The following CACNA1C variants were observed in gnomAD, a reference collection of about 807,000 sequenced individuals.
CACNA1C encodes calcium voltage-gated channel subunit alpha1 C, also known as voltage-dependent L-type calcium channel subunit alpha-1C.
Under a neutral mutation model 229.0 loss-of-function variants are expected in CACNA1C, and 30 were observed. The observed-to-expected ratio is 0.13, with a 90% CI of 0.10 to 0.18. The LOEUF (loss-of-function observed/expected upper bound fraction) is 0.18, where lower values mean the gene tolerates loss of function less well. Ranked by LOEUF, CACNA1C falls within the 10% of genes least tolerant of loss-of-function variation. The pLI is 1.00. For synonymous variants in CACNA1C, 1,114 were observed against 1,132.5 expected (o/e 0.98, Z 0.33); for missense variants, 1,658 against 2,845.0 (o/e 0.58, Z 9.49).
In CACNA1C at chr12:2,260,174, T is replaced by TG. The variant is rs1277140750; in HGVS notation, c.477+139748dup. Among the ~76,000 whole-genome samples, 6 of 151,858 alleles carry TG rather than the reference T, an allele frequency of 4.0e-5. 1 individual carries two copies. Among genetic ancestry groups the TG allele is most frequent in the Admixed American group, 2.0e-4 (3 of 15,256 alleles). ...TTGGCCTGACTTGGCTGACACAATCTGGGGAAAAAAGAGAAGTATGGGCTG... is the reference window on the plus strand; with the variant it reads ...TTGGCCTGACTTGGCTGACACAATCTGGGGGAAAAAAGAGAAGTATGGGCTG... On this transcript the variant is annotated intron_variant, in intron 3 of 46. Transcript: ENST00000399655.
intron 1 of CACNA1C, among the ~76,000 whole-genome samples, chr12:2,033,223 G>A (rs2048523047): frequency 6.6e-6 from 1 of 152,136 alleles, no homozygotes; most frequent in East Asian, 1.9e-4. Flanking sequence ...AACAAGTGAA[G>A]CCAGTCTCTG....
At chr12:2,291,308 G>A (rs2093475333) in intron 3 of CACNA1C, among the ~76,000 whole-genome samples, 1 of 152,170 alleles carries the variant, frequency 6.6e-6, no homozygotes, top group Admixed American at 6.5e-5. Context: ...AATCAAAATG[G>A]AACCCAGACG....
At position 2,089,860 on chromosome 12, in the gene CACNA1C, C is replaced by CCGTCT. The variant is rs549166782; in HGVS notation, c.50-25363_50-25362insGTCTC. 1.1e-3 allele frequency among the ~76,000 whole-genome samples: 129 copies of CCGTCT among 113,438 alleles called. 2 individuals carry two copies. Among genetic ancestry groups the CCGTCT allele is most frequent in the African/African-American group, 3.9e-3 (113 of 28,680 alleles). 74.4% of individuals were successfully genotyped at this position (113,438 alleles called of 152,430 possible). A position where few individuals can be genotyped will look rare whatever the true frequency, so the allele number is the denominator to read the frequency against. ...CCAGCCTGGCCAACATAGTGAAACC[C>CCGTCT]CTACTAAAAATACAAAAAATTAGCC... On this transcript the variant is annotated intron_variant, in intron 1 of 46. Coordinates refer to ENST00000399655, the MANE Select transcript of CACNA1C (RefSeq NM_000719.7).
chr12:2,312,720 C>T (rs1052399875), intron 3 of CACNA1C, among the ~76,000 whole-genome samples: 3 of 152,154 alleles, frequency 2.0e-5, no homozygotes, highest in Admixed American at 1.3e-4. Context: ...TCTGTTTTGA[C>T]TTCCATATGT....
intron 3 of CACNA1C, among the ~76,000 whole-genome samples, chr12:2,233,532 G>A (rs1367963266): frequency 6.6e-6 from 1 of 152,154 alleles, no homozygotes; most frequent in African/African-American, 2.4e-5. Context: ...CTAAAATCAT[G>A]TAAGTTCAGC....
At chr12:2,261,841 A>G (rs1276251147) in intron 3 of CACNA1C, among the ~76,000 whole-genome samples, 2 of 152,220 alleles carry the variant, frequency 1.3e-5, no homozygotes, top group African/African-American at 2.4e-5. Flanking sequence ...GTCTGGATGT[A>G]TCTGAAGCTG....
chr12:2,538,811 T>G (rs1009242371), intron 9 of CACNA1C, among the ~76,000 whole-genome samples: 1 of 152,248 alleles, frequency 6.6e-6, no homozygotes, highest in Non-Finnish European at 1.5e-5. Context: ...TTCCAAGTTA[T>G]TGTTTTCTGA....
chr12:2,353,557 A>C lies in CACNA1C; in HGVS notation c.478-95419A>C, dbSNP rs565970670. Reference sequence around the variant, plus strand: ...AGGGAGACGTGGAGGGTCTGCTTCCATCAAGTCAAGGTCCGAAGGGCCCCA... The same window carrying C: ...AGGGAGACGTGGAGGGTCTGCTTCCCTCAAGTCAAGGTCCGAAGGGCCCCA... On this transcript the variant is annotated intron_variant, in intron 3 of 46. Transcript: ENST00000399655. 4.9e-4 allele frequency among the ~76,000 whole-genome samples: 75 copies of C among 152,288 alleles called. No individual in the cohort carries two copies. In the East Asian group the frequency reaches 5.0e-3, roughly 10 times the overall value.
intron 8 of CACNA1C, among the ~76,000 whole-genome samples, chr12:2,506,010 C>T (rs2099771011): frequency 6.6e-6 from 1 of 152,178 alleles, no homozygotes; most frequent in Non-Finnish European, 1.5e-5. Flanking sequence ...AATCGCTACT[C>T]CCAGCTCCTA....
intron 3 of CACNA1C, among the ~76,000 whole-genome samples, chr12:2,399,485 C>G (rs1156229708): frequency 2.0e-5 from 3 of 152,196 alleles, no homozygotes; most frequent in African/African-American, 7.2e-5. Flanking sequence ...TAATCTTCCT[C>G]TGGAGTTCAG....
At chr12:2,392,068 C>CT (rs1274605951) in intron 3 of CACNA1C, among the ~76,000 whole-genome samples, 1 of 152,206 alleles carries the variant, frequency 6.6e-6, no homozygotes, top group East Asian at 1.9e-4. Context: ...GCCCAATCTG[C>CT]TTATCTAGTT....
rs950745818 is a variant in CACNA1C, at chr12:2,601,138, G to A, written c.2854-716G>A. On this transcript the variant is annotated intron_variant, in intron 21 of 46. Coordinates refer to ENST00000399655, the MANE Select transcript of CACNA1C (RefSeq NM_000719.7). The surrounding 1 kb of genome is among the most constrained non-coding windows in gnomAD (Gnocchi z 5.9). ...CAACTTTTGCCCTTAAAGAACTCCAGATGTAGTCTAGAAGCAGGACAGTAG... is the reference window on the plus strand; with the variant it reads ...CAACTTTTGCCCTTAAAGAACTCCAAATGTAGTCTAGAAGCAGGACAGTAG... Among the ~76,000 whole-genome samples the A allele has an allele frequency of 2.6e-5, 4 of 152,168 alleles. No homozygotes were observed. The highest frequency in any genetic ancestry group is 4.4e-5 in the Non-Finnish European group (3 of 68,040).
Position 2,310,352 on chromosome 12 carries a change from A to AAT in CACNA1C, c.478-138605_478-138604dup, listed in dbSNP as rs35448122. On this transcript the variant is annotated intron_variant, in intron 3 of 46. Coordinates refer to ENST00000399655, the MANE Select transcript of CACNA1C (RefSeq NM_000719.7). ...CCTCTGCCTCCCAGTTAAAAAAAAA[A>AAT]ATATATATATATATATATATGTATG... Among the ~76,000 whole-genome samples the AAT allele has an allele frequency of 4.8e-3, 673 of 139,820 alleles. 7 individuals carry two copies. Among genetic ancestry groups the AAT allele is most frequent in the African/African-American group, 8.9e-3 (335 of 37,638 alleles). The allele number at this position is 139,820 out of a possible 152,430, so 91.7% of individuals were successfully genotyped here.
intron 3 of CACNA1C, among the ~76,000 whole-genome samples, chr12:2,193,487 G>T (rs1014493783): frequency 3.3e-5 from 5 of 152,172 alleles, no homozygotes; most frequent in African/African-American, 4.8e-5. Flanking sequence ...ACTTGTAAAG[G>T]TTCCATGCAC....
At chr12:2,321,248 G>A (rs1024528539) in intron 3 of CACNA1C, among the ~76,000 whole-genome samples, 35 of 152,022 alleles carry the variant, frequency 2.3e-4, no homozygotes, top group African/African-American at 6.5e-4. Context: ...GCAGGTGCCT[G>A]TACTCACCTT....
chr12:2,021,199 T>C (rs2154487629), intron 1 of CACNA1C, among the ~76,000 whole-genome samples: 1 of 152,350 alleles, frequency 6.6e-6, no homozygotes, highest in South Asian at 2.1e-4. Context: ...TCATTTTTTA[T>C]GTTGTCATTT....
intron 3 of CACNA1C, among the ~76,000 whole-genome samples, chr12:2,352,447 T>C (rs763118057): frequency 2.0e-5 from 3 of 152,220 alleles, no homozygotes; most frequent in Non-Finnish European, 4.4e-5. Context: ...GGAAACGTGG[T>C]CGGGTTTGAA....
At chr12:2,309,427 T>C (rs1182433175) in intron 3 of CACNA1C, among the ~76,000 whole-genome samples, 1 of 152,100 alleles carries the variant, frequency 6.6e-6, no homozygotes. Flanking sequence ...AAAAATACTA[T>C]GCTGTATATT....
chr12:2,307,796 A>T (rs946733611), intron 3 of CACNA1C, among the ~76,000 whole-genome samples: 1 of 152,178 alleles, frequency 6.6e-6, no homozygotes, highest in Non-Finnish European at 1.5e-5. Flanking sequence ...CTTACATAAC[A>T]AACTGGCCAC....
Sources: allele counts gnomAD v4.1 joint callset (sites outside exome capture counted in the v4.1 genomes callset), GRCh38; gene constraint gnomAD v4.1.1; non-coding constraint Gnocchi (gnomAD v3.1); transcripts MANE v1.5; gene names NCBI Gene and HGNC (gene_info 2026-07-23, HGNC 2026-07-21).